CCNYL1: variants seen among roughly 807,000 people sequenced by gnomAD.
The protein encoded by CCNYL1 is cyclin-Y-like protein 1.
Under a neutral mutation model 44.2 loss-of-function variants are expected in CCNYL1, and 16 were observed. The observed-to-expected ratio is 0.36, with a 90% CI of 0.25 to 0.55. The LOEUF (loss-of-function observed/expected upper bound fraction) is 0.55, where lower values mean the gene tolerates loss of function less well. Ranked by LOEUF, CCNYL1 falls within the 20% of genes least tolerant of loss-of-function variation. CCNYL1 has a pLI of 0.85. For synonymous variants in CCNYL1, 159 were observed against 163.2 expected (o/e 0.97, Z 0.20); for missense variants, 348 against 451.8 (o/e 0.77, Z 2.08).
intron 6 of CCNYL1, among the ~76,000 whole-genome samples, chr2:207,741,888 C>G (rs1049675129): frequency 1.3e-5 from 2 of 149,546 alleles, no homozygotes; most frequent in East Asian, 3.9e-4. Context: ...TGGTGTCTCA[C>G]GCGTGTAATC....
chr2:207,743,223 T>C (rs954941074), intron 7 of CCNYL1, among the ~76,000 whole-genome samples: 9 of 152,224 alleles, frequency 5.9e-5, no homozygotes, highest in Admixed American at 1.3e-4. Context: ...GCACATACTG[T>C]AGAGAAGCAG....
intron 9 of CCNYL1, among the ~76,000 whole-genome samples, chr2:207,751,513 A>G (rs2091890200): frequency 6.6e-6 from 1 of 152,090 alleles, no homozygotes; most frequent in Non-Finnish European, 1.5e-5. Context: ...TGAGGTCAGG[A>G]GTTCAAGACC....
intron 9 of CCNYL1, among the ~76,000 whole-genome samples, chr2:207,752,855 T>A (rs892880761): frequency 6.6e-6 from 1 of 151,820 alleles, no homozygotes; most frequent in African/African-American, 2.4e-5. Flanking sequence ...CTGGCCAACA[T>A]GGTGAAACCC....
intron 7 of CCNYL1, among the ~76,000 whole-genome samples, chr2:207,743,870 G>A (rs2091831512): frequency 6.6e-6 from 1 of 152,216 alleles, no homozygotes; most frequent in Middle Eastern, 3.4e-3. Context: ...CTAGAGTCTA[G>A]CTATGTTGCC....
At chr2:207,714,548 G>C in intron 1 of CCNYL1, 1 of 270,496 alleles carries the variant, frequency 3.7e-6, no homozygotes, top group South Asian at 3.4e-5. Flanking sequence ...CAAATAAACA[G>C]GTTGATAAAT....
intron 3 of CCNYL1, among the ~76,000 whole-genome samples, chr2:207,728,555 T>A (rs1425401859): frequency 6.6e-6 from 1 of 151,772 alleles, no homozygotes; most frequent in Non-Finnish European, 1.5e-5. Flanking sequence ...GGGTTACAGG[T>A]GTGAGCCACT....
At chr2:207,727,960 CTCTCT>C (rs921222888) in intron 3 of CCNYL1, among the ~76,000 whole-genome samples, 2 of 151,340 alleles carry the variant, frequency 1.3e-5, no homozygotes, top group African/African-American at 2.4e-5. Context: ...CTTTCTCTCT[CTCTCT>C]TTTTTTTTTT....
chr2:207,747,125 A>C lies in CCNYL1; in HGVS notation c.718A>C (p.Ile240Leu), dbSNP rs1553536117. 6.2e-7 allele frequency: 1 copy of C among 1,614,194 alleles called. No individual in the cohort carries two copies. Among genetic ancestry groups the C allele is most frequent in the Non-Finnish European group, 8.5e-7 (1 of 1,180,030 alleles). ...TNWKRIVLGA[I>L]LLASKVWDDQ... is the part of the protein sequence containing the mutation. ...CTGGAAAAGGATTGTTCTGGGAGCC[A>C]TTCTTCTTGCCTCCAAGGTTTGGGA... is the stretch of plus-strand genomic sequence containing the variant. The change falls in exon 8 of 10, where the codon ATT becomes CTT. Residue 240 changes from isoleucine to leucine, a missense_variant. Coordinates refer to ENST00000295414, the MANE Select transcript of CCNYL1 (RefSeq NM_001330218.2).
At chr2:207,715,698 T>C (rs1462335882) in intron 1 of CCNYL1, among the ~76,000 whole-genome samples, 1 of 129,800 alleles carries the variant, frequency 7.7e-6, no homozygotes, top group African/African-American at 3.0e-5. Flanking sequence ...TTTTTTGAGA[T>C]GGAGTTTCGC....
At chr2:207,720,224 A>G (rs1208814183) in intron 1 of CCNYL1, among the ~76,000 whole-genome samples, 1 of 151,334 alleles carries the variant, frequency 6.6e-6, no homozygotes, top group Admixed American at 6.6e-5. Flanking sequence ...TGGTAGATCA[A>G]GAATGTAAAT....
intron 8 of CCNYL1, among the ~76,000 whole-genome samples, chr2:207,748,285 C>T (rs960992478): frequency 6.6e-6 from 1 of 152,192 alleles, no homozygotes; most frequent in Admixed American, 6.5e-5. Context: ...ACGCTCACCA[C>T]ACTCGAGAGG....
chr2:207,714,184 CTT>C (rs1047638824), intron 1 of CCNYL1, among the ~76,000 whole-genome samples: 23 of 152,208 alleles, frequency 1.5e-4, no homozygotes, highest in Middle Eastern at 3.4e-3. Flanking sequence ...TCTTAAAAAA[CTT>C]TTAAAAATCC....
intron 3 of CCNYL1, among the ~76,000 whole-genome samples, chr2:207,731,723 A>ATACTCTTG (rs1432340605): frequency 6.6e-6 from 1 of 151,684 alleles, no homozygotes; most frequent in Non-Finnish European, 1.5e-5. Flanking sequence ...AGATATAGTG[A>ATACTCTTG]TACTCTTGAT....
rs1418939769 is a variant in CCNYL1 at position 207,729,092 on chromosome 2, C to T, written c.330+2216C>T. Among the ~76,000 whole-genome samples the T allele has an allele frequency of 5.3e-5, 8 of 152,268 alleles. No homozygotes were observed. In the South Asian group the frequency reaches 6.2e-4, roughly 12 times the overall value. Reference sequence around the variant, plus strand: ...GATTACAGGCATGAGCCACCGCACCCGGCCTAGACCTTTTCTTTTTATTGG... The same window carrying T: ...GATTACAGGCATGAGCCACCGCACCTGGCCTAGACCTTTTCTTTTTATTGG... On this transcript the variant is annotated intron_variant, in intron 3 of 9. Coordinates refer to ENST00000295414, the MANE Select transcript of CCNYL1 (RefSeq NM_001330218.2).
intron 2 of CCNYL1, among the ~76,000 whole-genome samples, chr2:207,725,396 A>G (rs565977273): frequency 6.6e-6 from 1 of 152,346 alleles, no homozygotes; most frequent in South Asian, 2.1e-4. Flanking sequence ...AAGTGCTGGG[A>G]TTACAGGCGT....
intron 1 of CCNYL1, among the ~76,000 whole-genome samples, chr2:207,719,012 A>T (rs970937265): frequency 6.6e-6 from 1 of 151,994 alleles, no homozygotes; most frequent in African/African-American, 2.4e-5. Context: ...CTATGGAGTG[A>T]TACCCAGATA....
intron 9 of CCNYL1, among the ~76,000 whole-genome samples, chr2:207,752,399 G>A (rs566189600): frequency 7.2e-5 from 11 of 151,900 alleles, no homozygotes; most frequent in Admixed American, 2.0e-4. Context: ...AAAATTAGCC[G>A]GGCGTGGTGG....
Position 207,737,432 on chromosome 2 carries a change from C to G in CCNYL1, c.453C>G (p.Tyr151Ter). 6.2e-7 allele frequency: 1 copy of G among 1,610,116 alleles called. No homozygotes were observed. The highest frequency in any genetic ancestry group is 8.5e-7 in the Non-Finnish European group (1 of 1,177,448). The stretch of plus-strand genomic sequence containing the variant: ...ACAGTGTGACCTTAGCAATATATTA[C>G]CACATAAAGAACAGGTGAGCTCCTT... ...TVKCVTLAIY[Y>*]HIKNRDANRS... The change falls in exon 5 of 10, where the codon TAC becomes TAG. Residue 151 changes from tyrosine (Y) to a stop codon, truncating the protein, a stop_gained. Transcript: ENST00000295414. LOFTEE classifies it high-confidence loss of function.
Position 207,727,434 on chromosome 2 carries a change from C to A in CCNYL1, c.330+558C>A, listed in dbSNP as rs1476990594. On this transcript the variant is annotated intron_variant, in intron 3 of 9. Coordinates refer to ENST00000295414, the MANE Select transcript of CCNYL1 (RefSeq NM_001330218.2). Reference sequence around the variant, plus strand: ...TGTTTCTCTTAAATATTTCTGAAATCTGGGCGTGTCTGCACGTCTCTTCCT... The same window carrying A: ...TGTTTCTCTTAAATATTTCTGAAATATGGGCGTGTCTGCACGTCTCTTCCT... 2.0e-5 allele frequency among the ~76,000 whole-genome samples: 3 copies of A among 152,132 alleles called. No individual in the cohort carries two copies. In the East Asian group the frequency reaches 5.8e-4, roughly 29 times the overall value.
Sources: allele counts gnomAD v4.1 joint callset (sites outside exome capture counted in the v4.1 genomes callset), GRCh38; gene constraint gnomAD v4.1.1; transcripts MANE v1.5; gene names NCBI Gene and HGNC (gene_info 2026-07-23, HGNC 2026-07-21).